RIMS2: variants seen among roughly 807,000 people sequenced by gnomAD.
The protein encoded by RIMS2 is regulating synaptic membrane exocytosis 2.
In RIMS2, 59 loss-of-function variants were observed where a neutral mutation model predicts 174.4. The observed-to-expected ratio is 0.34, with a 90% CI of 0.27 to 0.42. The LOEUF is 0.42. Among genes scored for constraint, RIMS2 ranks in the 10% least tolerant of loss-of-function variants. RIMS2 has a pLI of 1.00. For missense variants in RIMS2, 1,620 were observed against 1,666.3 expected, an observed-to-expected ratio of 0.97 and a Z score of 0.48; for synonymous variants, 606 against 572.5, an observed-to-expected ratio of 1.06 and a Z score of -0.84.
At chr8:103,887,488 A>G (rs1226256105) in intron 4 of RIMS2, among the ~76,000 whole-genome samples, 1 of 151,454 alleles carries the variant, frequency 6.6e-6, no homozygotes, top group Non-Finnish European at 1.5e-5. Context: ...TAAGTATTTA[A>G]CTGTATATTA....
intron 1 of RIMS2, among the ~76,000 whole-genome samples, chr8:103,647,473 T>A (rs185526342): frequency 6.6e-6 from 1 of 152,258 alleles, no homozygotes; most frequent in East Asian, 1.9e-4. Context: ...CCTTTTTAAT[T>A]TTTTGGAATA....
At chr8:104,214,455 T>G (rs1399317861) in intron 19 of RIMS2, among the ~76,000 whole-genome samples, 1 of 152,168 alleles carries the variant, frequency 6.6e-6, no homozygotes, top group African/African-American at 2.4e-5. Flanking sequence ...TGAAAGATTT[T>G]TTTTTTCTTT....
chr8:103,734,457 G>T (rs1436649074), intron 2 of RIMS2, among the ~76,000 whole-genome samples: 5 of 138,184 alleles, frequency 3.6e-5, no homozygotes, highest in Admixed American at 2.1e-4. Context: ...AGGTTGGATG[G>T]TTCTTTTTTT....
intron 19 of RIMS2, among the ~76,000 whole-genome samples, chr8:104,177,630 A>G (rs971692132): frequency 6.6e-6 from 1 of 152,212 alleles, no homozygotes; most frequent in African/African-American, 2.4e-5. Flanking sequence ...TTGGATTCCT[A>G]GATATAAGAT....
At chr8:104,249,660 G>T (rs1359178362) in intron 22 of RIMS2, 72 bp downstream of exon 28, 6 of 845,588 alleles carry the variant, frequency 7.1e-6, no homozygotes, top group Non-Finnish European at 9.8e-6. Context: ...CTTTTGATTG[G>T]TTTAGACCTT....
chr8:103,960,711 C>A (rs930824538), intron 14 of RIMS2, among the ~76,000 whole-genome samples: 1 of 152,002 alleles, frequency 6.6e-6, no homozygotes, highest in Non-Finnish European at 1.5e-5. Flanking sequence ...CCATAAGCAT[C>A]TAAAATTAAC....
intron 17 of RIMS2, among the ~76,000 whole-genome samples, chr8:104,000,951 T>C (rs1266733317): frequency 6.6e-6 from 1 of 151,948 alleles, no homozygotes; most frequent in East Asian, 1.9e-4. Flanking sequence ...GTTCCTTATA[T>C]ATTCTGTTTA....
At chr8:103,611,376 GT>G (rs980468587) in intron 1 of RIMS2, among the ~76,000 whole-genome samples, 28 of 151,818 alleles carry the variant, frequency 1.8e-4, no homozygotes, top group African/African-American at 6.8e-4. Context: ...TTAATATTTT[GT>G]TTTTTTCTGC....
intron 19 of RIMS2, among the ~76,000 whole-genome samples, chr8:104,060,605 C>T (rs1235007371): frequency 6.6e-6 from 1 of 151,710 alleles, no homozygotes; most frequent in African/African-American, 2.4e-5. Flanking sequence ...TTCTTGCCTT[C>T]TGCTAGCTTT....
intron 1 of RIMS2, among the ~76,000 whole-genome samples, chr8:103,616,137 G>T (rs1156474347): frequency 6.6e-6 from 1 of 152,124 alleles, no homozygotes; most frequent in East Asian, 1.9e-4. Flanking sequence ...CTTGCAAACT[G>T]AATCCAGCAG....
chr8:103,995,442 A>G (rs1474157954), intron 17 of RIMS2, among the ~76,000 whole-genome samples: 1 of 152,058 alleles, frequency 6.6e-6, no homozygotes, highest in African/African-American at 2.4e-5. Flanking sequence ...AAGATTGAAT[A>G]AGATTGTGAA....
chr8:104,076,518 A>G (rs1030742433), intron 19 of RIMS2, among the ~76,000 whole-genome samples: 1 of 152,200 alleles, frequency 6.6e-6, no homozygotes, highest in Non-Finnish European at 1.5e-5. Context: ...ACACAATATT[A>G]TTAATAACTA....
At chr8:103,672,767 T>C (rs2096760801) in intron 1 of RIMS2, among the ~76,000 whole-genome samples, 1 of 152,044 alleles carries the variant, frequency 6.6e-6, no homozygotes, top group African/African-American at 2.4e-5. Flanking sequence ...CCATCCCTTG[T>C]CCCTCCCAAA....
chr8:104,169,304 C>CCATATATA (rs2098816845), intron 19 of RIMS2, among the ~76,000 whole-genome samples: 1 of 87,542 alleles, frequency 1.1e-5, no homozygotes, highest in African/African-American at 5.1e-5. Context: ...TTGTTGTTGG[C>CCATATATA]TATATATATA....
At chr8:104,252,783 T>C (rs2099362170), downstream of RIMS2, 1 of 152,220 alleles carries the variant, frequency 6.6e-6, no homozygotes, top group Non-Finnish European at 1.5e-5. Context: ...ATGTTAAATA[T>C]ACAAATCTTA....
chr8:103,619,115 A>G (rs796261706), intron 1 of RIMS2, among the ~76,000 whole-genome samples: 6 of 151,370 alleles, frequency 4.0e-5, no homozygotes, highest in African/African-American at 9.7e-5. Flanking sequence ...AAAAAAACCA[A>G]TATGGAAAAC....
At chr8:103,868,478 G>A (rs113781663) in intron 3 of RIMS2, among the ~76,000 whole-genome samples, 1 of 151,888 alleles carries the variant, frequency 6.6e-6, no homozygotes, top group Admixed American at 6.6e-5. Context: ...TTCTAAAAAG[G>A]TCATGAATCT....
intron 1 of RIMS2, among the ~76,000 whole-genome samples, chr8:103,589,027 C>A (rs1302707123): frequency 1.3e-5 from 2 of 151,502 alleles, no homozygotes; most frequent in East Asian, 3.9e-4. Flanking sequence ...CACTGTGATT[C>A]AACATAGTAC....
rs1302019836 is a variant in RIMS2, at chr8:103,921,039, CAACAACAAA to C, written c.2084-628_2084-620del. On this transcript the variant is annotated intron_variant, in intron 9 of 23. Transcript: ENST00000504942. ...ACAACAACAACAACAACAACAACAA[CAACAACAAA>C]AACAGGTCTTCCCCAGTGTTCTGAA... The C allele has an allele frequency of 1.6e-3, 324 of 196,796 alleles. 2 individuals are homozygous for C. The highest frequency in any genetic ancestry group is 6.9e-3 in the African/African-American group (277 of 40,426). 12.2% of individuals were successfully genotyped at this position (196,796 alleles called of 1,614,324 possible).
Sources: allele counts gnomAD v4.1 joint callset (sites outside exome capture counted in the v4.1 genomes callset), GRCh38; gene constraint gnomAD v4.1.1; transcripts MANE v1.5; gene names NCBI Gene and HGNC (gene_info 2026-07-23, HGNC 2026-07-21).